PDE11A: variants seen among roughly 807,000 people sequenced by gnomAD.
PDE11A encodes the protein dual 3',5'-cyclic-AMP and -GMP phosphodiesterase 11A.
A neutral mutation model predicts 100.5 loss-of-function variants in PDE11A; 100 were observed. That is an observed-to-expected ratio of 1.00 (90% CI 0.85 to 1.18). The LOEUF (loss-of-function observed/expected upper bound fraction) is 1.18, where lower values mean the gene tolerates loss of function less well. Among genes scored for constraint, PDE11A ranks in the 50% most tolerant of loss-of-function variants. PDE11A has a pLI of 0.00. For missense variants in PDE11A, 1,141 were observed against 1,152.6 expected (o/e 0.99, Z 0.15); for synonymous variants, 381 against 420.8 (o/e 0.91, Z 1.16).
In PDE11A at chr2:177,629,134, T is replaced by TC; in HGVS notation, c.*272dup. ...CCACAGGTCCTTGGATCCAAAACAG[T>TC]CCCCTACCCAGAGCCTTCATTTCAG... On this transcript the variant is annotated 3_prime_UTR_variant, in exon 20 of 20. Transcript: ENST00000286063. The TC allele has an allele frequency of 2.1e-6, 1 of 485,046 alleles. No homozygotes were observed. The highest frequency in any genetic ancestry group is 2.1e-5 in the South Asian group (1 of 48,144). 30.0% of individuals were successfully genotyped at this position (485,046 alleles called of 1,614,324 possible). A position where few individuals can be genotyped will look rare whatever the true frequency, so the allele number is the denominator to read the frequency against.
intron 6 of PDE11A, among the ~76,000 whole-genome samples, chr2:177,826,662 A>G (rs1279644904): frequency 6.6e-6 from 1 of 152,250 alleles, no homozygotes; most frequent in Admixed American, 6.5e-5. Context: ...CTGCCCATGC[A>G]GCAAAGTCTG....
At chr2:177,894,887 C>A (rs1029154460) in intron 4 of PDE11A, among the ~76,000 whole-genome samples, 1 of 152,186 alleles carries the variant, frequency 6.6e-6, no homozygotes, top group Non-Finnish European at 1.5e-5. Context: ...TTCAAGATAT[C>A]CTGCCCTTCG....
intron 2 of PDE11A, among the ~76,000 whole-genome samples, chr2:177,983,446 T>C (rs959043075): frequency 6.6e-6 from 1 of 152,120 alleles, no homozygotes; most frequent in Non-Finnish European, 1.5e-5. Context: ...CTCTAAAAAG[T>C]GAGCCAGTCC....
intron 2 of PDE11A, among the ~76,000 whole-genome samples, chr2:177,911,392 C>A (rs2084878998): frequency 6.6e-6 from 1 of 152,138 alleles, no homozygotes; most frequent in African/African-American, 2.4e-5. Flanking sequence ...TCATTCACTG[C>A]AATTTTGTTT....
intron 9 of PDE11A, among the ~76,000 whole-genome samples, chr2:177,786,557 A>T (rs1305118660): frequency 6.6e-6 from 1 of 152,238 alleles, no homozygotes; most frequent in East Asian, 1.9e-4. Context: ...TGACGAGTTG[A>T]GAGAAGAAGG....
chr2:177,804,567 A>G (rs2082841318), intron 9 of PDE11A, among the ~76,000 whole-genome samples: 1 of 152,014 alleles, frequency 6.6e-6, no homozygotes, highest in Admixed American at 6.6e-5. Context: ...TAATCCTACT[A>G]CTAGGTATAT....
chr2:177,998,448 G>A (rs1307816572), intron 2 of PDE11A: 2 of 1,144,412 alleles, frequency 1.7e-6, no homozygotes, highest in Non-Finnish European at 2.7e-6. Context: ...AGAGCCATCT[G>A]ACTCCAAAAG....
At chr2:177,954,300 A>C (rs1424636232) in intron 2 of PDE11A, among the ~76,000 whole-genome samples, 1 of 152,146 alleles carries the variant, frequency 6.6e-6, no homozygotes, top group East Asian at 1.9e-4. Flanking sequence ...CTTTAGTTAT[A>C]GCACAATTAC....
chr2:178,057,927 G>A (rs1215234447), intron 1 of PDE11A, among the ~76,000 whole-genome samples: 8 of 151,988 alleles, frequency 5.3e-5, no homozygotes, highest in African/African-American at 1.5e-4. Flanking sequence ...GCGTGATCTC[G>A]GCTCACTGCA....
chr2:177,674,745 T>G (rs533321882), intron 17 of PDE11A, among the ~76,000 whole-genome samples: 1 of 152,198 alleles, frequency 6.6e-6, no homozygotes, highest in Non-Finnish European at 1.5e-5. Flanking sequence ...TCAATAAATA[T>G]TAGTTATTTA....
chr2:177,882,953 G>A (rs939785677), intron 4 of PDE11A, among the ~76,000 whole-genome samples: 2 of 151,924 alleles, frequency 1.3e-5, no homozygotes, highest in African/African-American at 4.8e-5. Flanking sequence ...TTCTATAAGA[G>A]GACTACTCAA....
intron 1 of PDE11A, among the ~76,000 whole-genome samples, chr2:178,035,622 A>T (rs1197873103): frequency 1.3e-5 from 2 of 152,206 alleles, no homozygotes; most frequent in Non-Finnish European, 2.9e-5. Context: ...TGATGTGAAA[A>T]TCCTCAATAA....
chr2:177,724,427 C>T (rs575780910), intron 12 of PDE11A, among the ~76,000 whole-genome samples: 1 of 152,016 alleles, frequency 6.6e-6, no homozygotes, highest in Admixed American at 6.6e-5. Flanking sequence ...TATTTTCCAC[C>T]CGTGAAGTGA....
chr2:177,786,479 G>A (rs1312791859), intron 9 of PDE11A, among the ~76,000 whole-genome samples: 16 of 151,908 alleles, frequency 1.1e-4, no homozygotes, highest in East Asian at 5.8e-4. Flanking sequence ...AAAGCAGAGC[G>A]CCTCTCCTCC....
intron 5 of PDE11A, among the ~76,000 whole-genome samples, chr2:177,853,771 T>G (rs1398968161): frequency 7.3e-6 from 1 of 136,452 alleles, no homozygotes; most frequent in African/African-American, 2.7e-5. Context: ...TATGTATATA[T>G]ATCTATATAT....
intron 2 of PDE11A, among the ~76,000 whole-genome samples, chr2:177,957,051 T>A (rs945533638): frequency 1.4e-5 from 2 of 147,818 alleles, no homozygotes; most frequent in Non-Finnish European, 3.0e-5. Context: ...TAAAGTATAA[T>A]AATAATAAAA....
chr2:177,856,683 C>T lies in PDE11A; in HGVS notation c.1368-16300G>A, dbSNP rs150561047. On this transcript the variant is annotated intron_variant, in intron 5 of 19. Transcript: ENST00000286063. ...AAAAATTCACTAGGCTACCCAACAG[C>T]ATGTTTGAAAAGGCAGAAAAAAGCA... 1.9e-3 allele frequency among the ~76,000 whole-genome samples: 290 copies of T among 152,036 alleles called. 1 individual carries two copies. The highest frequency in any genetic ancestry group is 6.4e-3 in the African/African-American group (265 of 41,504).
At chr2:177,750,270 A>G (rs2082008223) in intron 10 of PDE11A, among the ~76,000 whole-genome samples, 1 of 152,214 alleles carries the variant, frequency 6.6e-6, no homozygotes, top group Admixed American at 6.5e-5. Context: ...TATAACTCAA[A>G]ACAGCAACAA....
chr2:178,089,564 G>A (rs1001946989), intron 2 of PDE11A, among the ~76,000 whole-genome samples: 12 of 152,206 alleles, frequency 7.9e-5, no homozygotes, highest in African/African-American at 2.9e-4. Context: ...GATACCAAGG[G>A]TGGGAGATTT....
Sources: gnomAD v4.1 joint callset for allele counts (sites outside exome capture counted in the v4.1 genomes callset) on GRCh38, gnomAD v4.1.1 for gene constraint, MANE v1.5 for transcripts, NCBI Gene and HGNC (gene_info 2026-07-23, HGNC 2026-07-21) for gene names.